The following CREB5 variants were observed in gnomAD, a reference collection of about 807,000 sequenced individuals.
CREB5 encodes cyclic AMP-responsive element-binding protein 5.
A neutral mutation model predicts 57.1 loss-of-function variants in CREB5; 19 were observed. The ratio of observed to expected loss-of-function variants is 0.33; its 90% CI spans 0.23 to 0.49. The LOEUF is 0.49. Ranked by LOEUF, CREB5 falls within the 20% of genes least tolerant of loss-of-function variation. The probability of loss-of-function intolerance (pLI) is 0.99; values close to 1 mark genes in which losing one functional copy is unlikely to be tolerated. For missense variants in CREB5, 579 were observed against 671.6 expected, an observed-to-expected ratio of 0.86 and a Z score of 1.52; for synonymous variants, 238 against 238.3, an observed-to-expected ratio of 1.00 and a Z score of 0.01.
chr7:28,708,127 G>A (rs531341754), intron 5 of CREB5, among the ~76,000 whole-genome samples: 2 of 152,292 alleles, frequency 1.3e-5, no homozygotes, highest in African/African-American at 4.8e-5. Context: ...TCTCTGTTAG[G>A]ATATAACCCA....
At chr7:28,528,885 T>C (rs1793587640) in intron 4 of CREB5, among the ~76,000 whole-genome samples, 1 of 152,146 alleles carries the variant, frequency 6.6e-6, no homozygotes, top group South Asian at 2.1e-4. Flanking sequence ...TCAGAATCTC[T>C]CTGGTGGCTT....
chr7:28,308,093 T>C (rs1785219189), intron 1 of CREB5, among the ~76,000 whole-genome samples: 1 of 152,134 alleles, frequency 6.6e-6, no homozygotes. Flanking sequence ...AGTGAGTCAA[T>C]GCAGAGACAC....
At chr7:28,675,268 G>T (rs1800263273) in intron 5 of CREB5, among the ~76,000 whole-genome samples, 1 of 152,196 alleles carries the variant, frequency 6.6e-6, no homozygotes, top group African/African-American at 2.4e-5. Flanking sequence ...CCATTAGAAT[G>T]CTGGTTCCCT....
chr7:28,560,898 G>A (rs1233636088), intron 4 of CREB5, among the ~76,000 whole-genome samples: 1 of 29,378 alleles, frequency 3.4e-5, no homozygotes, highest in African/African-American at 2.4e-4. Flanking sequence ...GTGTGTGTGC[G>A]TGCGCGCGTG....
In CREB5 at chr7:28,585,897, T is replaced by C. The variant is rs527666382; in HGVS notation, c.464+15360T>C. 4.6e-5 allele frequency among the ~76,000 whole-genome samples: 7 copies of C among 152,268 alleles called. No individual in the cohort carries two copies. The East Asian group carries it at 1.4e-3, about 29-fold the overall frequency. ...AACGATTACTTGAACATTTGAAAAT[T>C]TAATACTTTCAGTCAGGGAAGTGTA... is the stretch of plus-strand genomic sequence containing the variant. On this transcript the variant is annotated intron_variant, in intron 5 of 10. Coordinates refer to ENST00000357727, the MANE Select transcript of CREB5 (RefSeq NM_182898.4).
At chr7:28,489,636 G>C (rs1791716816) in intron 2 of CREB5, among the ~76,000 whole-genome samples, 1 of 152,150 alleles carries the variant, frequency 6.6e-6, no homozygotes, top group Admixed American at 6.5e-5. Context: ...AGAGTTTATG[G>C]AGGATTCTGG....
At chr7:28,424,562 A>C (rs1037465816) in intron 1 of CREB5, among the ~76,000 whole-genome samples, 9 of 152,254 alleles carry the variant, frequency 5.9e-5, no homozygotes, top group Non-Finnish European at 7.3e-5. Context: ...TACATGTTGC[A>C]CTGACTGACA....
intron 1 of CREB5, among the ~76,000 whole-genome samples, chr7:28,463,871 G>A (rs1419081806): frequency 6.6e-6 from 1 of 152,138 alleles, no homozygotes; most frequent in Non-Finnish European, 1.5e-5. Flanking sequence ...TCTGTGAATA[G>A]AGATAGTTTT....
chr7:28,664,033 C>T (rs1391836078), intron 5 of CREB5, among the ~76,000 whole-genome samples: 3 of 152,314 alleles, frequency 2.0e-5, no homozygotes, highest in East Asian at 1.9e-4. Flanking sequence ...CCAAAGATCT[C>T]AAGTGAGGTC....
At chr7:28,301,535 T>A (rs1000823761) in intron 1 of CREB5, among the ~76,000 whole-genome samples, 1 of 152,178 alleles carries the variant, frequency 6.6e-6, no homozygotes, top group Admixed American at 6.5e-5. Flanking sequence ...AGCAGTGAGT[T>A]AGAAATTATG....
chr7:28,399,404 C>G (rs1787402874), intron 1 of CREB5, among the ~76,000 whole-genome samples: 1 of 131,754 alleles, frequency 7.6e-6, no homozygotes, highest in Admixed American at 7.9e-5. Flanking sequence ...TATTACAAAA[C>G]AGCATCATTC....
At position 28,822,954 on chromosome 7, in the gene CREB5, T is replaced by C. The variant is rs1809866986; in HGVS notation, c.*3675T>C. On this transcript the variant is annotated 3_prime_UTR_variant, in exon 11 of 11. Coordinates refer to ENST00000357727, the MANE Select transcript of CREB5 (RefSeq NM_182898.4). The stretch of plus-strand genomic sequence containing the variant: ...GTTTGTGTGCTCACAGTATATATTA[T>C]AGTAATTAGGGTGACTTAGAGCAAA... 6.6e-6 allele frequency: 1 copy of C among 152,636 alleles called. No individual in the cohort carries two copies. The allele number at this position is 152,636 out of a possible 1,614,324, so 9.5% of individuals were successfully genotyped here. A position where few individuals can be genotyped will look rare whatever the true frequency, so the allele number is the denominator to read the frequency against.
In CREB5 at chr7:28,412,652, T is replaced by C. The variant is rs530582564; in HGVS notation, c.-263T>C. ...CTACTGGAAAAATTAGTCTCATTAC[T>C]AAAAGAAACTTAGAGAACGAGGGAG... On this transcript the variant is annotated 5_prime_UTR_variant, in exon 1 of 11. Transcript: ENST00000357727. 2.8e-6 allele frequency: 1 copy of C among 355,892 alleles called. No individual in the cohort carries two copies. The highest frequency in any genetic ancestry group is 2.1e-5 in the African/African-American group (1 of 47,892). The allele number at this position is 355,892 out of a possible 1,614,324, so 22.0% of individuals were successfully genotyped here. A position where few individuals can be genotyped will look rare whatever the true frequency, so the allele number is the denominator to read the frequency against.
chr7:28,633,668 A>G (rs1583452727), intron 5 of CREB5, among the ~76,000 whole-genome samples: 1 of 152,074 alleles, frequency 6.6e-6, no homozygotes, highest in Non-Finnish European at 1.5e-5. Context: ...GTGTCTGAAC[A>G]CTCTGAAGCT....
At chr7:28,696,845 TAC>T (rs1301651315) in intron 5 of CREB5, among the ~76,000 whole-genome samples, 1 of 152,050 alleles carries the variant, frequency 6.6e-6, no homozygotes, top group African/African-American at 2.4e-5. Context: ...TACGTATATA[TAC>T]ACATACGTAT....
At chr7:28,315,438 A>G (rs1421964314) in intron 1 of CREB5, among the ~76,000 whole-genome samples, 1 of 152,184 alleles carries the variant, frequency 6.6e-6, no homozygotes, top group South Asian at 2.1e-4. Flanking sequence ...GACCTGAGCA[A>G]TGGGCAGGTG....
At chr7:28,421,823 CATAT>C (rs140322574) in intron 1 of CREB5, among the ~76,000 whole-genome samples, 2 of 143,378 alleles carry the variant, frequency 1.4e-5, no homozygotes, top group African/African-American at 5.2e-5. Flanking sequence ...ATATAGTGTG[CATAT>C]ATATATACAC....
At chr7:28,764,881 G>A (rs7791403) in intron 7 of CREB5, among the ~76,000 whole-genome samples, 5 of 152,084 alleles carry the variant, frequency 3.3e-5, no homozygotes, top group Admixed American at 6.5e-5. Flanking sequence ...CTTTGTTACC[G>A]TCTCATAAAT....
At position 28,304,196 on chromosome 7, in the gene CREB5, G is replaced by A. The variant is rs141352752; in HGVS notation, c.-25+4755G>A. 1.7e-3 allele frequency among the ~76,000 whole-genome samples: 256 copies of A among 152,218 alleles called. 3 individuals carry two copies. The highest frequency in any genetic ancestry group is 4.0e-3 in the East Asian group (21 of 5,188). On this transcript the variant is annotated intron_variant, in intron 1 of 9. Coordinates refer to the CREB5 transcript ENST00000396299. ...AAATGAGAGTCCTGGCAATTTTTGC[G>A]TGTGACCAGAACATAGAAGAATATC...
Sources: gnomAD v4.1 joint callset for allele counts (sites outside exome capture counted in the v4.1 genomes callset) on GRCh38, gnomAD v4.1.1 for gene constraint, MANE v1.5 for transcripts, NCBI Gene and HGNC (gene_info 2026-07-23, HGNC 2026-07-21) for gene names.